The following ZBTB16 variants were observed in gnomAD, a reference collection of about 807,000 sequenced individuals.
The protein encoded by ZBTB16 is zinc finger and BTB domain-containing protein 16.
In ZBTB16, 8 loss-of-function variants were observed where a neutral mutation model predicts 56.8. That is an observed-to-expected ratio of 0.14 (90% CI 0.08 to 0.25). The LOEUF is 0.25. ZBTB16 is among the 10% of genes least tolerant of loss of function. The pLI is 1.00. For missense variants in ZBTB16, 625 were observed against 903.0 expected, an observed-to-expected ratio of 0.69 and a Z score of 3.95; for synonymous variants, 363 against 368.5, an observed-to-expected ratio of 0.98 and a Z score of 0.17.
At chr11:114,175,978 G>GGTGTGTGTGT (rs34506617) in intron 3 of ZBTB16, among the ~76,000 whole-genome samples, 1 of 148,146 alleles carries the variant, frequency 6.8e-6, no homozygotes, top group African/African-American at 2.5e-5. Flanking sequence ...AGGGGAGAGG[G>GGTGTGTGTGT]GTGTGTGTGT....
At chr11:114,095,255 T>TTTCTTTC (rs1565622454) in intron 2 of ZBTB16, among the ~76,000 whole-genome samples, 3 of 83,668 alleles carry the variant, frequency 3.6e-5, no homozygotes, top group Non-Finnish European at 6.6e-5. Context: ...CTTTTTTTTT[T>TTTCTTTC]TTTTTTTTTT....
intron 2 of ZBTB16, among the ~76,000 whole-genome samples, chr11:114,095,892 C>G (rs1236211533): frequency 6.6e-6 from 1 of 152,082 alleles, no homozygotes; most frequent in East Asian, 1.9e-4. Flanking sequence ...TTTTCAGGGT[C>G]CCCTAGCTTT....
intron 2 of ZBTB16, among the ~76,000 whole-genome samples, chr11:114,100,597 C>T (rs1456516586): frequency 6.6e-6 from 1 of 152,154 alleles, no homozygotes; most frequent in Non-Finnish European, 1.5e-5. Flanking sequence ...ATTTTATCCT[C>T]CCTCTCGGGA....
chr11:114,153,741 C>G (rs1476894465), intron 2 of ZBTB16, among the ~76,000 whole-genome samples: 2 of 152,170 alleles, frequency 1.3e-5, no homozygotes, highest in Non-Finnish European at 2.9e-5. Flanking sequence ...AATAGTGCCC[C>G]TTAGAGGACC....
intron 2 of ZBTB16, among the ~76,000 whole-genome samples, chr11:114,094,619 T>A (rs1565621969): frequency 6.6e-6 from 1 of 152,194 alleles, no homozygotes; most frequent in African/African-American, 2.4e-5. Flanking sequence ...CTTTCTGGGC[T>A]CAAGCATGGT....
chr11:114,175,147 A>G (rs1490362017), intron 3 of ZBTB16, among the ~76,000 whole-genome samples: 2 of 152,186 alleles, frequency 1.3e-5, no homozygotes, highest in African/African-American at 2.4e-5. Flanking sequence ...CAGAAATGGG[A>G]CTGTAAGGTT....
chr11:114,112,884 T>C (rs1210572512), intron 2 of ZBTB16, among the ~76,000 whole-genome samples: 2 of 151,932 alleles, frequency 1.3e-5, no homozygotes, highest in Non-Finnish European at 2.9e-5. Flanking sequence ...CCTCCTCAGT[T>C]TCCCAAGTAG....
In ZBTB16 at chr11:114,060,206, C is replaced by T. The variant is rs570528187; in HGVS notation, c.-91+324C>T. ...GGCGTGAGCAGAGGGGTCGGGGATC[C>T]GGAGGCTTTGTACCGCCAGGGGCTG... On this transcript the variant is annotated intron_variant, in intron 1 of 6. Coordinates refer to ENST00000335953, the MANE Select transcript of ZBTB16 (RefSeq NM_006006.6). This position sits in a 1 kb window ranked among gnomAD's most constrained non-coding sequence, Gnocchi z 6.0. 1.2e-5 allele frequency: 2 copies of T among 164,514 alleles called. No individual in the cohort carries two copies. The highest frequency in any genetic ancestry group is 1.7e-4 in the East Asian group (1 of 5,926). 10.2% of individuals were successfully genotyped at this position (164,514 alleles called of 1,614,324 possible).
chr11:114,231,117 T>C (rs370238), intron 4 of ZBTB16, among the ~76,000 whole-genome samples: 84,254 of 152,028 alleles, frequency 0.55, 25,004 homozygotes, highest in East Asian at 0.71. Flanking sequence ...ATCTTTTACA[T>C]GTGAAGTATA....
At chr11:114,203,610 G>A (rs1943785788) in intron 4 of ZBTB16, among the ~76,000 whole-genome samples, 1 of 142,478 alleles carries the variant, frequency 7.0e-6, no homozygotes, top group Non-Finnish European at 1.5e-5. Flanking sequence ...CATTAAAAGG[G>A]TGGAATTTTA....
At chr11:114,233,072 C>A (rs1259615415) in intron 4 of ZBTB16, among the ~76,000 whole-genome samples, 5 of 31,282 alleles carry the variant, frequency 1.6e-4, no homozygotes, top group Non-Finnish European at 2.2e-4. Flanking sequence ...CGCATGCGCG[C>A]GCGCGCGCGC....
chr11:114,151,204 C>G (rs183343244), intron 2 of ZBTB16, among the ~76,000 whole-genome samples: 17 of 152,230 alleles, frequency 1.1e-4, no homozygotes, highest in Admixed American at 1.1e-3. Context: ...CTGATGAGGT[C>G]AAATTGATGG....
intron 3 of ZBTB16, among the ~76,000 whole-genome samples, chr11:114,172,513 T>C (rs1433497406): frequency 6.6e-6 from 1 of 152,206 alleles, no homozygotes; most frequent in Non-Finnish European, 1.5e-5. Flanking sequence ...GAGACAGAGC[T>C]GCGCTGTGAC....
At chr11:114,113,563 T>C (rs1208487585) in intron 2 of ZBTB16, among the ~76,000 whole-genome samples, 1 of 152,206 alleles carries the variant, frequency 6.6e-6, no homozygotes, top group African/African-American at 2.4e-5. Context: ...ACCTGACAAG[T>C]GTTTTGCTTT....
chr11:114,188,772 A>T (rs1366094454), intron 4 of ZBTB16: 1 of 152,214 alleles, frequency 6.6e-6, no homozygotes, highest in Non-Finnish European at 1.5e-5. Flanking sequence ...ATACATATTA[A>T]GTGCTACTGG....
intron 3 of ZBTB16, among the ~76,000 whole-genome samples, chr11:114,169,724 C>A (rs552254318): frequency 6.6e-6 from 1 of 152,110 alleles, no homozygotes; most frequent in Admixed American, 6.5e-5. Flanking sequence ...TCATTGTGAC[C>A]GCAAGAGGAA....
At chr11:114,107,548 C>T (rs2137770395) in intron 2 of ZBTB16, among the ~76,000 whole-genome samples, 1 of 152,260 alleles carries the variant, frequency 6.6e-6, no homozygotes, top group Non-Finnish European at 1.5e-5. Flanking sequence ...GATTTCTGAG[C>T]CTACCAAAGT....
At chr11:114,185,937 A>AGT (rs1565674179) in intron 3 of ZBTB16, among the ~76,000 whole-genome samples, 1 of 152,218 alleles carries the variant, frequency 6.6e-6, no homozygotes, top group Non-Finnish European at 1.5e-5. Context: ...TTTATTCCAC[A>AGT]AATATGTATA....
At chr11:114,110,108 G>A (rs1388188995) in intron 2 of ZBTB16, among the ~76,000 whole-genome samples, 1 of 152,068 alleles carries the variant, frequency 6.6e-6, no homozygotes, top group Non-Finnish European at 1.5e-5. Context: ...GTGCAAATGT[G>A]TGTGCTGGGG....
Sources: gnomAD v4.1 joint callset for allele counts (sites outside exome capture counted in the v4.1 genomes callset) on GRCh38, gnomAD v4.1.1 for gene constraint, Gnocchi (gnomAD v3.1) non-coding constraint, MANE v1.5 for transcripts, NCBI Gene and HGNC (gene_info 2026-07-23, HGNC 2026-07-21) for gene names.